Variants in TGFBR2 observed in about 807,000 individuals in gnomAD.
The protein encoded by TGFBR2 is transforming growth factor beta receptor 2.
In TGFBR2, 18 loss-of-function variants were observed where a neutral mutation model predicts 49.0. The observed-to-expected ratio is 0.37, with a 90% CI of 0.25 to 0.54. The LOEUF (loss-of-function observed/expected upper bound fraction) is 0.54, where lower values mean the gene tolerates loss of function less well. Among genes scored for constraint, TGFBR2 ranks in the 20% least tolerant of loss-of-function variants. TGFBR2 has a pLI of 0.85. For missense variants in TGFBR2, 525 were observed against 722.6 expected, an observed-to-expected ratio of 0.73 and a Z score of 3.13; for synonymous variants, 282 against 275.9, an observed-to-expected ratio of 1.02 and a Z score of -0.22.
At chr3:30,678,758 C>T (rs1176337706) in intron 5 of TGFBR2, among the ~76,000 whole-genome samples, 1 of 151,882 alleles carries the variant, frequency 6.6e-6, no homozygotes, top group Non-Finnish European at 1.5e-5. Context: ...TGAGAGAGTC[C>T]CTAGTTGTAT....
chr3:30,644,946 C>T lies in TGFBR2; in HGVS notation c.263+31C>T, dbSNP rs571365646. The T allele has an allele frequency of 1.1e-5, 17 of 1,594,426 alleles. No homozygotes were observed. In the Admixed American group the frequency reaches 1.2e-4, roughly 11 times the overall value. On this transcript the variant is annotated intron_variant, in intron 2 of 6. Coordinates refer to ENST00000295754, the MANE Select transcript of TGFBR2 (RefSeq NM_003242.6). The stretch of plus-strand genomic sequence containing the variant: ...CAAGCCTTTTAAGAAGTTATTCTTT[C>T]TTTTCCCCTTTTTACATAATGTATT...
rs1699752097 is a variant in TGFBR2 at position 30,693,798 on chromosome 3, G to A, written c.*2199G>A. The A allele has an allele frequency of 4.3e-6, 1 of 233,234 alleles. No homozygotes were observed. The highest frequency in any genetic ancestry group is 5.6e-5 in the Admixed American group (1 of 17,766). 14.4% of individuals were successfully genotyped at this position (233,234 alleles called of 1,614,324 possible). On this transcript the variant is annotated 3_prime_UTR_variant, in exon 7 of 7. Coordinates refer to ENST00000295754, the MANE Select transcript of TGFBR2 (RefSeq NM_003242.6). ...ACTTCTGGGTTATCAGCATAAACTG[G>A]AATGTAGTGTCAGAGGATACTGTGG...
chr3:30,690,724 G>T (rs762572745), intron 6 of TGFBR2, among the ~76,000 whole-genome samples: 22 of 152,308 alleles, frequency 1.4e-4, no homozygotes, highest in Non-Finnish European at 2.9e-4. Flanking sequence ...AGAAATTTAG[G>T]GGAATGGAGG....
intron 3 of TGFBR2, among the ~76,000 whole-genome samples, chr3:30,667,547 T>A (rs918578610): frequency 1.3e-5 from 2 of 152,192 alleles, no homozygotes; most frequent in African/African-American, 4.8e-5. Flanking sequence ...TAACAGGAAA[T>A]TTTAGGAGAA....
intron 1 of TGFBR2, among the ~76,000 whole-genome samples, chr3:30,629,014 G>C (rs535149003): frequency 2.6e-5 from 4 of 152,224 alleles, no homozygotes; most frequent in Non-Finnish European, 5.9e-5. Context: ...TTTCCAATGC[G>C]ATTACTTTTC....
At chr3:30,648,932 A>C (rs1808602) in intron 2 of TGFBR2, among the ~76,000 whole-genome samples, 1 of 151,920 alleles carries the variant, frequency 6.6e-6, no homozygotes, top group Non-Finnish European at 1.5e-5. Flanking sequence ...TCTTTCTCTC[A>C]TGGGGATGGC....
intron 1 of TGFBR2, among the ~76,000 whole-genome samples, chr3:30,635,324 C>A (rs1698508364): frequency 6.6e-6 from 1 of 152,058 alleles, no homozygotes; most frequent in African/African-American, 2.4e-5. Context: ...TCAGAGAGGT[C>A]CCCTGCCACT....
chr3:30,672,199 G>A lies in TGFBR2; in HGVS notation c.1016G>A (p.Arg339Gln), dbSNP rs727503473. 20 of 1,612,006 alleles carry A rather than the reference G, an allele frequency of 1.2e-5. No homozygotes were observed. Among genetic ancestry groups the A allele is most frequent in the African/African-American group, 5.3e-5 (4 of 74,908 alleles). ...AKGNLQEYLT[R>Q]HVISWEDLRK... The stretch of plus-strand genomic sequence containing the variant: ...GGCAACCTACAGGAGTACCTGACGC[G>A]GCATGTCATCAGCTGGGAGGACCTG... Residue 339 changes from arginine to glutamine, a missense_variant, in exon 4 of 7, where the codon CGG (arginine) becomes CAG (glutamine). By Grantham distance (43) the Arg-to-Gln change is conservative (BLOSUM62 1). Around this residue, in one of 3 missense-constraint regions of TGFBR2, gnomAD observed 376 missense variants for 478.2 expected, o/e 0.79. Coordinates refer to ENST00000295754, the MANE Select transcript of TGFBR2 (RefSeq NM_003242.6). The surrounding 1 kb of genome is among the most constrained non-coding windows in gnomAD (Gnocchi z 4.5).
intron 6 of TGFBR2, among the ~76,000 whole-genome samples, chr3:30,691,162 C>T (rs1699702838): frequency 2.0e-5 from 3 of 152,172 alleles, no homozygotes; most frequent in Admixed American, 2.0e-4. Context: ...CTGTCAGGAC[C>T]TATTGTGATC....
chr3:30,635,636 A>T (rs999855137), intron 1 of TGFBR2, among the ~76,000 whole-genome samples: 5 of 152,240 alleles, frequency 3.3e-5, no homozygotes, highest in Non-Finnish European at 7.3e-5. Context: ...ATTTAAAAAA[A>T]TTTGAGTTTA....
intron 1 of TGFBR2, among the ~76,000 whole-genome samples, chr3:30,612,073 T>C (rs927292029): frequency 6.6e-6 from 1 of 152,216 alleles, no homozygotes; most frequent in Non-Finnish European, 1.5e-5. Context: ...GGCAAGATAA[T>C]GACTCATACT....
rs1039691622 is a variant in TGFBR2 at position 30,657,363 on chromosome 3, G to A, written c.454+6903G>A. ...TCAGGCTGACACTGTTTCCATGTCC[G>A]TGAGAAATGATGTGTATAAACGATG... On this transcript the variant is annotated intron_variant, in intron 3 of 6. Transcript: ENST00000295754. Among the ~76,000 whole-genome samples the A allele has an allele frequency of 5.3e-5, 8 of 152,138 alleles. No individual in the cohort carries two copies. In the East Asian group the frequency reaches 5.8e-4, roughly 11 times the overall value.
chr3:30,642,410 G>T (rs148626559), intron 1 of TGFBR2, among the ~76,000 whole-genome samples: 19 of 152,222 alleles, frequency 1.2e-4, no homozygotes, highest in African/African-American at 4.6e-4. Context: ...AATCATCTGG[G>T]CAGCTTCTAA....
At chr3:30,658,564 C>T (rs766558867) in intron 3 of TGFBR2, among the ~76,000 whole-genome samples, 8 of 152,154 alleles carry the variant, frequency 5.3e-5, no homozygotes, top group African/African-American at 7.2e-5. Context: ...CAGTGGTGCA[C>T]GTTGCTGACT....
At chr3:30,610,718 A>T (rs1435120709) in intron 1 of TGFBR2, among the ~76,000 whole-genome samples, 2 of 152,190 alleles carry the variant, frequency 1.3e-5, no homozygotes, top group Non-Finnish European at 2.9e-5. Flanking sequence ...ATATTGTTTT[A>T]AAGTATTTAA....
rs780939353 is a variant in TGFBR2 at position 30,674,076 on chromosome 3, A to T, written c.1255-29A>T. 5 of 1,614,020 alleles carry T rather than the reference A, an allele frequency of 3.1e-6. No individual in the cohort carries two copies. The African/African-American group carries it at 6.7e-5, about 22-fold the overall frequency. On this transcript the variant is annotated intron_variant, in intron 4 of 6. Transcript: ENST00000295754. Reference sequence around the variant, plus strand: ...ATAAAAAGGCAGCTGGAATTAAATGATGGGCCTCACTGTCTGTTTTTGCTA... The same window carrying T: ...ATAAAAAGGCAGCTGGAATTAAATGTTGGGCCTCACTGTCTGTTTTTGCTA...
intron 2 of TGFBR2, 49 bp from the exon 3 acceptor site, chr3:30,650,221 T>A: frequency 6.3e-7 from 1 of 1,578,460 alleles, no homozygotes; most frequent in Non-Finnish European, 8.7e-7. Context: ...ATTTATTCTC[T>A]TTCTCTCTCT....
chr3:30,669,695 G>A (rs17026121), intron 3 of TGFBR2, among the ~76,000 whole-genome samples: 1 of 152,204 alleles, frequency 6.6e-6, no homozygotes, highest in Non-Finnish European at 1.5e-5. Flanking sequence ...GGAAGATGGA[G>A]CTGCCATCTT....
Position 30,671,890 on chromosome 3 carries a change from A to G in TGFBR2, c.707A>G (p.Asn236Ser). The change falls in exon 4 of 7, where the codon AAC becomes AGC. Residue 236 changes from asparagine (N) to serine (S), a missense_variant. By Grantham distance (46) the Asn-to-Ser change is conservative. Around this residue, in one of 3 missense-constraint regions of TGFBR2, gnomAD observed 376 missense variants for 478.2 expected, o/e 0.79. Coordinates refer to ENST00000295754, the MANE Select transcript of TGFBR2 (RefSeq NM_003242.6). ...DISSTCANNINHNTELLPIEL... is the reference protein window; with the variant it reads ...DISSTCANNISHNTELLPIEL... ...AGCTCCACGTGTGCCAACAACATCA[A>G]CCACAACACAGAGCTGCTGCCCATT... is the stretch of plus-strand genomic sequence containing the variant. 1.2e-6 allele frequency: 2 copies of G among 1,614,186 alleles called. No homozygotes were observed. The highest frequency in any genetic ancestry group is 1.7e-6 in the Non-Finnish European group (2 of 1,180,028).
Sources: gnomAD v4.1 joint callset for allele counts (sites outside exome capture counted in the v4.1 genomes callset) on GRCh38, gnomAD v4.1.1 for gene constraint, gnomAD v4.1.1 regional missense constraint, Gnocchi (gnomAD v3.1) non-coding constraint, MANE v1.5 for transcripts, NCBI Gene and HGNC (gene_info 2026-07-23, HGNC 2026-07-21) for gene names.